The following DIP2B variants were observed in gnomAD, a reference collection of about 807,000 sequenced individuals.
DIP2B encodes the protein DIP2 acetate--CoA ligase B (putative), also known as disco-interacting protein 2 homolog B.
Under a neutral mutation model 198.0 loss-of-function variants are expected in DIP2B, and 76 were observed. That is an observed-to-expected ratio of 0.38 (90% CI 0.32 to 0.46). The LOEUF is 0.46. Ranked by LOEUF, DIP2B falls within the 20% of genes least tolerant of loss-of-function variation. The probability of loss-of-function intolerance (pLI) is 0.99; values close to 1 mark genes in which losing one functional copy is unlikely to be tolerated. For missense variants in DIP2B, 1,559 were observed against 1,978.4 expected, an observed-to-expected ratio of 0.79 and a Z score of 4.02; for synonymous variants, 701 against 739.1, an observed-to-expected ratio of 0.95 and a Z score of 0.84.
rs765973433 is a variant in DIP2B at position 50,691,128 on chromosome 12, C to T, written c.1631C>T (p.Ser544Leu). 13 of 1,614,050 alleles carry T rather than the reference C, an allele frequency of 8.1e-6. No individual in the cohort carries two copies. The South Asian group carries it at 1.1e-4, about 14-fold the overall frequency. ...LAMLSHCQALSQACNYSEGET... is the reference protein window; with the variant it reads ...LAMLSHCQALLQACNYSEGET... ...ATGTTGTCTCACTGCCAAGCTCTGT[C>T]GCAGGCCTGCAATTATTCTGAAGGT... Residue 544 changes from serine (S) to leucine (L), a missense_variant, in exon 13 of 38, where the codon TCG becomes TTG. Physicochemically the swap from Ser to Leu is moderately radical, Grantham distance 145 (BLOSUM62 -2). Transcript: ENST00000301180.
chr12:50,587,812 A>G (rs1186428105), intron 1 of DIP2B, among the ~76,000 whole-genome samples: 2 of 152,168 alleles, frequency 1.3e-5, no homozygotes, highest in East Asian at 3.8e-4. Flanking sequence ...TGAATTTATC[A>G]CTTACTCATC....
rs925552936 is a variant in DIP2B, at chr12:50,698,378, A to G, written c.2099A>G (p.Asn700Ser). ...CCAGGAAGAGCCATTCTCTCAATGAATGGATTGAGCTATGGGGTAATACGG... is the reference window on the plus strand; with the variant it reads ...CCAGGAAGAGCCATTCTCTCAATGAGTGGATTGAGCTATGGGGTAATACGG... ...PLPGRAILSM[N>S]GLSYGVIRVN... The change falls in exon 18 of 38, where the codon AAT becomes AGT. Residue 700 changes from asparagine to serine, a missense_variant. By Grantham distance (46) the Asn-to-Ser change is conservative. Coordinates refer to ENST00000301180, the MANE Select transcript of DIP2B (RefSeq NM_173602.3). The G allele has an allele frequency of 1.2e-6, 2 of 1,613,958 alleles. No homozygotes were observed. Among genetic ancestry groups the G allele is most frequent in the Non-Finnish European group, 1.7e-6 (2 of 1,179,908 alleles).
chr12:50,687,692 C>A (rs2139543350), intron 12 of DIP2B, among the ~76,000 whole-genome samples: 1 of 151,996 alleles, frequency 6.6e-6, no homozygotes, highest in South Asian at 2.1e-4. Flanking sequence ...AATAGGAACA[C>A]ATGGACACAG....
chr12:50,669,623 C>T (rs184143687), intron 4 of DIP2B, among the ~76,000 whole-genome samples: 14 of 152,260 alleles, frequency 9.2e-5, no homozygotes, highest in African/African-American at 2.6e-4. Flanking sequence ...CAGGGTTTCG[C>T]GATGTTGGCC....
intron 1 of DIP2B, among the ~76,000 whole-genome samples, chr12:50,508,130 A>T (rs996472986): frequency 6.6e-6 from 1 of 152,206 alleles, no homozygotes; most frequent in African/African-American, 2.4e-5. Flanking sequence ...CTGGTGCTTC[A>T]GGCAGGTCAC....
intron 13 of DIP2B, 58 bp downstream of exon 13, chr12:50,691,209 GCA>G: frequency 6.9e-7 from 1 of 1,459,462 alleles, no homozygotes. Context: ...GTGACTGTGA[GCA>G]CAATGCTCAG....
chr12:50,548,833 C>T (rs1958399834), intron 1 of DIP2B, among the ~76,000 whole-genome samples: 1 of 152,182 alleles, frequency 6.6e-6, no homozygotes, highest in East Asian at 1.9e-4. Flanking sequence ...CCTTGGCCTG[C>T]ACTTTTAAAG....
chr12:50,683,289 C>A, intron 10 of DIP2B, 41 bp downstream of exon 10: 1 of 1,526,454 alleles, frequency 6.6e-7, no homozygotes, highest in Non-Finnish European at 9.0e-7. Context: ...CCTGATGTGA[C>A]ATGGCAGGCA....
At chr12:50,689,292 G>T (rs900126402) in intron 12 of DIP2B, among the ~76,000 whole-genome samples, 1 of 146,944 alleles carries the variant, frequency 6.8e-6, no homozygotes, top group African/African-American at 2.4e-5. Flanking sequence ...CCAGCTACTT[G>T]GGAGGCTGAG....
At chr12:50,690,473 C>G (rs1939206061) in intron 12 of DIP2B, among the ~76,000 whole-genome samples, 1 of 152,110 alleles carries the variant, frequency 6.6e-6, no homozygotes, top group South Asian at 2.1e-4. Context: ...ATTGCTTGAG[C>G]CCAGGAGTTC....
At position 50,722,252 on chromosome 12, in the gene DIP2B, T is replaced by TATTTA. The variant is rs760452385; in HGVS notation, c.3166+856_3166+857insATTTA. On this transcript the variant is annotated intron_variant, in intron 26 of 37. Transcript: ENST00000301180. ...TGTGATTTTTTTTTGTTTGTTTGTT[T>TATTTA]GTTTATTTTATTTTATTTTATTTTA... Among the ~76,000 whole-genome samples, 5 of 128,570 alleles carry TATTTA rather than the reference T, an allele frequency of 3.9e-5. No individual in the cohort carries two copies. In the East Asian group the frequency reaches 1.9e-3, roughly 48 times the overall value. The allele number at this position is 128,570 out of a possible 152,430, so 84.3% of individuals were successfully genotyped here. A position where few individuals can be genotyped will look rare whatever the true frequency, so the allele number is the denominator to read the frequency against.
rs963635488 is a variant in DIP2B, at chr12:50,693,273, T to C, written c.1719+260T>C. Among the ~76,000 whole-genome samples the C allele has an allele frequency of 2.6e-5, 4 of 152,346 alleles. No homozygotes were observed. The East Asian group carries it at 7.7e-4, about 29-fold the overall frequency. ...CATCAGAGAGGAACAGGTAGCATACTATGGGTGTTAGAAAAAGGTGACTTC... is the reference window on the plus strand; with the variant it reads ...CATCAGAGAGGAACAGGTAGCATACCATGGGTGTTAGAAAAAGGTGACTTC... On this transcript the variant is annotated intron_variant, in intron 14 of 37. Coordinates refer to ENST00000301180, the MANE Select transcript of DIP2B (RefSeq NM_173602.3).
chr12:50,711,761 C>T (rs187193158), intron 22 of DIP2B, among the ~76,000 whole-genome samples: 85 of 152,258 alleles, frequency 5.6e-4, no homozygotes, highest in African/African-American at 1.8e-3. Context: ...GGTTTCACCA[C>T]GCTGGCCAGG....
chr12:50,626,265 A>G (rs1937933147), intron 2 of DIP2B, among the ~76,000 whole-genome samples: 1 of 152,184 alleles, frequency 6.6e-6, no homozygotes, highest in African/African-American at 2.4e-5. Flanking sequence ...GATAATTTAC[A>G]CAGAACTTGG....
intron 1 of DIP2B, among the ~76,000 whole-genome samples, chr12:50,609,947 C>A (rs1312385941): frequency 6.6e-6 from 1 of 152,164 alleles, no homozygotes; most frequent in African/African-American, 2.4e-5. Context: ...TTTGTTATAA[C>A]TAATAAAGGA....
Position 50,706,711 on chromosome 12 carries a change from A to G in DIP2B, c.2534+46A>G, listed in dbSNP as rs772007236. On this transcript the variant is annotated intron_variant, in intron 21 of 37. Coordinates refer to ENST00000301180, the MANE Select transcript of DIP2B (RefSeq NM_173602.3). ...ATGTTAGCACCTTTTAATGGAATCT[A>G]AATACATCTTCACATGGTGATTTCA... The G allele has an allele frequency of 3.1e-6, 5 of 1,598,952 alleles. No homozygotes were observed. In the South Asian group the frequency reaches 4.4e-5, roughly 14 times the overall value.
At chr12:50,739,649 T>A in intron 36 of DIP2B, 63 bp downstream of exon 36, 1 of 1,585,156 alleles carries the variant, frequency 6.3e-7, no homozygotes, top group Non-Finnish European at 8.6e-7. Flanking sequence ...GCTGACCTCC[T>A]TCAGCCTGCG....
In DIP2B at chr12:50,671,512, T is replaced by G. The variant is rs1391394331; in HGVS notation, c.640+114T>G. 5.9e-6 allele frequency: 6 copies of G among 1,015,940 alleles called. No individual in the cohort carries two copies. The Admixed American group carries it at 1.6e-4, about 27-fold the overall frequency. The allele number at this position is 1,015,940 out of a possible 1,614,324, so 62.9% of individuals were successfully genotyped here. On this transcript the variant is annotated intron_variant, in intron 5 of 37. Transcript: ENST00000301180. Reference sequence around the variant, plus strand: ...TTCAGTATGGCCTAAAAAAAAGAATTAGAGAAAACATGACAGTTAATGAGG... The same window carrying G: ...TTCAGTATGGCCTAAAAAAAAGAATGAGAGAAAACATGACAGTTAATGAGG...
rs1187995825 is a variant in DIP2B, at chr12:50,683,608, C to T, written c.1317+360C>T. Among the ~76,000 whole-genome samples, 5 of 151,906 alleles carry T rather than the reference C, an allele frequency of 3.3e-5. No individual in the cohort carries two copies. The East Asian group carries it at 7.7e-4, about 24-fold the overall frequency. On this transcript the variant is annotated intron_variant, in intron 10 of 37. Transcript: ENST00000301180. ...CATCCTGGCTAACATGGTGAAACCC[C>T]GTCTCTACTAAAAAATACAAAAAAA...
Sources: gnomAD v4.1 joint callset for allele counts (sites outside exome capture counted in the v4.1 genomes callset) on GRCh38, gnomAD v4.1.1 for gene constraint, MANE v1.5 for transcripts, NCBI Gene and HGNC (gene_info 2026-07-23, HGNC 2026-07-21) for gene names.